The following IQGAP1 variants were observed in gnomAD, a reference collection of about 807,000 sequenced individuals.
The protein encoded by IQGAP1 is ras GTPase-activating-like protein IQGAP1.
IQGAP1 carries 66 observed loss-of-function variants against 215.6 expected under a neutral mutation model. The observed-to-expected ratio is 0.31, with a 90% CI of 0.25 to 0.38. The LOEUF (loss-of-function observed/expected upper bound fraction) is 0.38, where lower values mean the gene tolerates loss of function less well. Among genes scored for constraint, IQGAP1 ranks in the 10% least tolerant of loss-of-function variants. The pLI, the probability that IQGAP1 is intolerant of heterozygous loss-of-function variation, is 1.00. For synonymous variants in IQGAP1, 772 were observed against 728.7 expected (o/e 1.06, Z -0.96); for missense variants, 1,712 against 1,997.1 (o/e 0.86, Z 2.72).
In IQGAP1 at chr15:90,388,366, G is replaced by T; in HGVS notation, c.25G>T (p.Gly9Trp). The T allele has an allele frequency of 1.3e-6, 2 of 1,593,812 alleles. No individual in the cohort carries two copies. Residue 9 changes from glycine to tryptophan, a missense_variant, in exon 1 of 38, where the codon GGG becomes TGG. Transcript: ENST00000268182. ...CATGTCCGCCGCAGACGAGGTTGAC[G>T]GGCTGGGCGTGGCCCGGCCGCACTA... The part of the protein sequence containing the change: MSAADEVD[G>W]LGVARPHYGS...
intron 11 of IQGAP1, among the ~76,000 whole-genome samples, chr15:90,452,572 A>T (rs1025291890): frequency 1.3e-4 from 20 of 152,236 alleles, no homozygotes; most frequent in Non-Finnish European, 2.9e-4. Flanking sequence ...TGAAGAAAAC[A>T]TCTTGATTGA....
At chr15:90,478,707 C>CTT (rs961053618) in intron 26 of IQGAP1, among the ~76,000 whole-genome samples, 4 of 152,110 alleles carry the variant, frequency 2.6e-5, no homozygotes, top group African/African-American at 9.7e-5. Context: ...TCTGAACACT[C>CTT]TAAGCTGGAG....
intron 11 of IQGAP1, 76 bp from the exon 12 acceptor site, chr15:90,452,699 C>G: frequency 6.8e-7 from 1 of 1,472,100 alleles, no homozygotes. Flanking sequence ...TGATATTTTT[C>G]CCATGAAGAT....
In IQGAP1 at chr15:90,388,256, C is replaced by A. The variant is rs1026681247; in HGVS notation, c.-86C>A. On this transcript the variant is annotated 5_prime_UTR_variant, in exon 1 of 38. Coordinates refer to ENST00000268182, the MANE Select transcript of IQGAP1 (RefSeq NM_003870.4). ...GGGGCCTCGGGGACCCCGGCAAGCC[C>A]GCGCACTTGGCAGGAGCTGTAGCTA... The A allele has an allele frequency of 3.4e-5, 51 of 1,478,684 alleles. No homozygotes were observed. Among genetic ancestry groups the A allele is most frequent in the Non-Finnish European group, 4.3e-5 (47 of 1,085,058 alleles). The allele number at this position is 1,478,684 out of a possible 1,614,324, so 91.6% of individuals were successfully genotyped here.
chr15:90,451,464 T>C (rs1183110788), intron 11 of IQGAP1, among the ~76,000 whole-genome samples: 1 of 152,114 alleles, frequency 6.6e-6, no homozygotes, highest in Non-Finnish European at 1.5e-5. Context: ...CCCATTCTAA[T>C]GAGAACTGAT....
chr15:90,465,570 A>C (rs1965818511), intron 15 of IQGAP1, among the ~76,000 whole-genome samples: 1 of 152,142 alleles, frequency 6.6e-6, no homozygotes, highest in South Asian at 2.1e-4. Context: ...AGTGGTAAGA[A>C]CATGGCTCAC....
intron 5 of IQGAP1, among the ~76,000 whole-genome samples, chr15:90,434,966 ACTT>A: frequency 6.6e-6 from 1 of 152,304 alleles, no homozygotes; most frequent in Middle Eastern, 3.4e-3. Flanking sequence ...CTTGGGCTGC[ACTT>A]CTTATATGGC....
chr15:90,407,135 T>C (rs146710157), intron 2 of IQGAP1, among the ~76,000 whole-genome samples: 2,210 of 152,300 alleles, frequency 0.015, 44 homozygotes, highest in African/African-American at 0.05. Flanking sequence ...ACGTAGAAGC[T>C]GAGGAACCAC....
At chr15:90,441,382 C>T (rs1487647173) in intron 7 of IQGAP1, 124 bp from the exon 8 acceptor site, 2 of 805,836 alleles carry the variant, frequency 2.5e-6, no homozygotes, top group Non-Finnish European at 3.9e-6. Flanking sequence ...GTTGTTATTT[C>T]TCTGTGAAAA....
At chr15:90,489,125 C>CTTTTTT (rs58123122) in intron 33 of IQGAP1, among the ~76,000 whole-genome samples, 1 of 136,184 alleles carries the variant, frequency 7.3e-6, no homozygotes. Flanking sequence ...ACCCTTGTTT[C>CTTTTTT]TTTTTTTTTT....
chr15:90,393,887 A>G (rs1399309511), intron 2 of IQGAP1: 1 of 152,148 alleles, frequency 6.6e-6, no homozygotes. Flanking sequence ...TAATCCCAGC[A>G]CTTTGGAAAG....
chr15:90,396,943 C>T (rs1455630787), intron 2 of IQGAP1, among the ~76,000 whole-genome samples: 1 of 151,934 alleles, frequency 6.6e-6, no homozygotes, highest in East Asian at 1.9e-4. Context: ...ACCTCTGCCT[C>T]CCGGGTTCAA....
chr15:90,427,920 A>G (rs1400541648), intron 3 of IQGAP1, among the ~76,000 whole-genome samples: 2 of 152,350 alleles, frequency 1.3e-5, no homozygotes, highest in South Asian at 2.1e-4. Flanking sequence ...TAAGGCTACA[A>G]TGTCAAAGAG....
chr15:90,474,015 T>C (rs1332105391), intron 21 of IQGAP1, 48 bp downstream of exon 21: 1 of 1,606,780 alleles, frequency 6.2e-7, no homozygotes, highest in East Asian at 2.2e-5. Flanking sequence ...TTTTGCCATA[T>C]TTTTGGTAGA....
At chr15:90,414,820 C>T (rs946752327) in intron 2 of IQGAP1, among the ~76,000 whole-genome samples, 3 of 152,154 alleles carry the variant, frequency 2.0e-5, no homozygotes, top group African/African-American at 4.8e-5. Flanking sequence ...ACTGTCTGGA[C>T]GTCCCGTTGA....
In IQGAP1 at chr15:90,491,341, A is replaced by T. The variant is rs905939638; in HGVS notation, c.4257A>T (p.Glu1419Asp). 14 of 1,613,842 alleles carry T rather than the reference A, an allele frequency of 8.7e-6. No individual in the cohort carries two copies. Among genetic ancestry groups the T allele is most frequent in the African/African-American group, 5.3e-5 (4 of 74,906 alleles). The change falls in exon 34 of 38, where the codon GAA (glutamate) becomes GAT (aspartate). Residue 1419 changes from glutamate to aspartate, a missense_variant. Transcript: ENST00000268182. ...ETPATSEQEA[E>D]HQRAMQRRAI... ...CTTTTTCCCATCCGTAGGAAGCAGAACATCAGAGAGCCATGCAGAGACGTG... is the reference window on the plus strand; with the variant it reads ...CTTTTTCCCATCCGTAGGAAGCAGATCATCAGAGAGCCATGCAGAGACGTG...
chr15:90,396,073 C>T (rs1355377563), intron 2 of IQGAP1, among the ~76,000 whole-genome samples: 1 of 152,178 alleles, frequency 6.6e-6, no homozygotes, highest in Non-Finnish European at 1.5e-5. Context: ...TCGAGCTTAG[C>T]ACTAAGTAGA....
chr15:90,432,795 A>C (rs1365348460), intron 4 of IQGAP1, among the ~76,000 whole-genome samples: 1 of 151,726 alleles, frequency 6.6e-6, no homozygotes, highest in Non-Finnish European at 1.5e-5. Context: ...AATTCTTCTC[A>C]CCTCATTATT....
At chr15:90,427,556 T>A (rs908938567) in intron 3 of IQGAP1, among the ~76,000 whole-genome samples, 1 of 152,016 alleles carries the variant, frequency 6.6e-6, no homozygotes, top group Non-Finnish European at 1.5e-5. Flanking sequence ...CCCGGCCAAC[T>A]TGGTGAAACC....
Sources: allele counts gnomAD v4.1 joint callset (sites outside exome capture counted in the v4.1 genomes callset), GRCh38; gene constraint gnomAD v4.1.1; transcripts MANE v1.5; gene names NCBI Gene and HGNC (gene_info 2026-07-23, HGNC 2026-07-21).